Variants in EPHA6 observed in about 807,000 individuals in gnomAD.
EPHA6 encodes the protein ephrin type-A receptor 6.
A neutral mutation model predicts 112.0 loss-of-function variants in EPHA6; 50 were observed. The ratio of observed to expected loss-of-function variants is 0.45; its 90% CI spans 0.36 to 0.56. The LOEUF (loss-of-function observed/expected upper bound fraction) is 0.56, where lower values mean the gene tolerates loss of function less well. Among genes scored for constraint, EPHA6 ranks in the 20% least tolerant of loss-of-function variants. The pLI is 0.00. For missense variants in EPHA6, 1,280 were observed against 1,417.4 expected, an observed-to-expected ratio of 0.90 and a Z score of 1.56; for synonymous variants, 529 against 490.7, an observed-to-expected ratio of 1.08 and a Z score of -1.03.
intron 5 of EPHA6, among the ~76,000 whole-genome samples, chr3:97,257,896 C>T (rs766007574): frequency 4.6e-5 from 7 of 151,654 alleles, no homozygotes; most frequent in Non-Finnish European, 1.0e-4. Context: ...ATATTGTTAC[C>T]CCAGTTATGT....
chr3:97,736,447 T>TAG (rs3064321), intron 16 of EPHA6, among the ~76,000 whole-genome samples: 1,627 of 131,258 alleles, frequency 0.012, 14 homozygotes, highest in East Asian at 0.044. Context: ...CCTTTAGAAG[T>TAG]AGAGAGAGAG....
At chr3:97,573,999 A>G (rs904357751) in intron 11 of EPHA6, among the ~76,000 whole-genome samples, 3 of 152,110 alleles carry the variant, frequency 2.0e-5, no homozygotes, top group African/African-American at 7.2e-5. Flanking sequence ...CCTTGCTTGA[A>G]TGATAGCTAT....
intron 2 of EPHA6, among the ~76,000 whole-genome samples, chr3:96,933,857 A>G (rs926362430): frequency 5.3e-5 from 8 of 152,040 alleles, no homozygotes; most frequent in East Asian, 1.9e-4. Context: ...TAACATAAAG[A>G]ACATGATGAT....
intron 4 of EPHA6, among the ~76,000 whole-genome samples, chr3:97,231,473 G>A (rs1045919520): frequency 6.6e-6 from 1 of 152,148 alleles, no homozygotes; most frequent in African/African-American, 2.4e-5. Flanking sequence ...ATTAAGAGAA[G>A]AAAAATGCGT....
At chr3:97,533,323 A>G (rs2092716557) in intron 11 of EPHA6, among the ~76,000 whole-genome samples, 1 of 152,092 alleles carries the variant, frequency 6.6e-6, no homozygotes. Flanking sequence ...TTATTTTAAA[A>G]TCTTTTAAAT....
intron 3 of EPHA6, among the ~76,000 whole-genome samples, chr3:97,091,470 G>C (rs920437842): frequency 6.6e-6 from 1 of 152,116 alleles, no homozygotes; most frequent in Non-Finnish European, 1.5e-5. Context: ...AACTGTTTAT[G>C]TAAAGCTATT....
At chr3:97,331,692 C>A (rs1397601971) in intron 5 of EPHA6, among the ~76,000 whole-genome samples, 1 of 151,948 alleles carries the variant, frequency 6.6e-6, no homozygotes, top group Non-Finnish European at 1.5e-5. Context: ...GAGACTAAAC[C>A]AGGAAGAAAT....
chr3:97,520,479 A>C (rs2092523007), intron 10 of EPHA6, among the ~76,000 whole-genome samples: 2 of 152,134 alleles, frequency 1.3e-5, no homozygotes, highest in African/African-American at 4.8e-5. Flanking sequence ...TAACTTTGCT[A>C]GGTGTGGCAT....
intron 6 of EPHA6, among the ~76,000 whole-genome samples, chr3:97,407,615 T>A (rs1486334397): frequency 6.6e-6 from 1 of 152,124 alleles, no homozygotes; most frequent in Non-Finnish European, 1.5e-5. Flanking sequence ...GTCACTTTTC[T>A]TTTTCATACT....
At chr3:97,549,533 G>A (rs1453970823) in intron 11 of EPHA6, among the ~76,000 whole-genome samples, 2 of 152,132 alleles carry the variant, frequency 1.3e-5, no homozygotes, top group Non-Finnish European at 2.9e-5. Context: ...TTGAAGAAGG[G>A]CCTATATCAG....
At chr3:96,925,913 T>C (rs1179304642) in intron 2 of EPHA6, among the ~76,000 whole-genome samples, 1 of 152,064 alleles carries the variant, frequency 6.6e-6, no homozygotes, top group Non-Finnish European at 1.5e-5. Flanking sequence ...GCCAATTTCT[T>C]GATTATTTGG....
chr3:97,582,841 C>T (rs2093451369), intron 11 of EPHA6, among the ~76,000 whole-genome samples: 1 of 152,058 alleles, frequency 6.6e-6, no homozygotes, highest in African/African-American at 2.4e-5. Context: ...TGTATTAAAA[C>T]ATTTGTTCGT....
intron 1 of EPHA6, among the ~76,000 whole-genome samples, chr3:96,836,932 T>C (rs567267080): frequency 6.6e-6 from 1 of 152,270 alleles, no homozygotes; most frequent in South Asian, 2.1e-4. Flanking sequence ...GATACCATTA[T>C]TATTCCCCTT....
intron 3 of EPHA6, among the ~76,000 whole-genome samples, chr3:97,131,754 A>G (rs1244532414): frequency 6.6e-6 from 1 of 152,104 alleles, no homozygotes; most frequent in Non-Finnish European, 1.5e-5. Flanking sequence ...AAACATTTTC[A>G]TCTTGCTGTA....
intron 14 of EPHA6, among the ~76,000 whole-genome samples, chr3:97,711,707 A>T (rs1031899078): frequency 3.3e-5 from 5 of 152,230 alleles, no homozygotes; most frequent in Admixed American, 2.0e-4. Flanking sequence ...GGCCCTCAGT[A>T]GATTGGATGA....
At chr3:97,019,202 C>T (rs528835240) in intron 3 of EPHA6, among the ~76,000 whole-genome samples, 4 of 152,282 alleles carry the variant, frequency 2.6e-5, no homozygotes, top group South Asian at 4.1e-4. Context: ...CTCGTGTCCT[C>T]GGTCCCTTGC....
At chr3:97,280,508 C>G (rs1476793495) in intron 5 of EPHA6, among the ~76,000 whole-genome samples, 2 of 152,022 alleles carry the variant, frequency 1.3e-5, no homozygotes, top group Non-Finnish European at 2.9e-5. Flanking sequence ...TCTGAGTAAT[C>G]TTTCTCAAGG....
intron 3 of EPHA6, among the ~76,000 whole-genome samples, chr3:97,025,351 A>T (rs2044601496): frequency 6.6e-6 from 1 of 152,178 alleles, no homozygotes; most frequent in African/African-American, 2.4e-5. Context: ...AGTTGAGTTT[A>T]AAAAGTCTCT....
chr3:97,338,625 G>T (rs528903583), intron 5 of EPHA6, among the ~76,000 whole-genome samples: 1 of 152,228 alleles, frequency 6.6e-6, no homozygotes, highest in African/African-American at 2.4e-5. Context: ...CAGCCTACAA[G>T]CTCCAGAAGG....
Sources: gnomAD v4.1 joint callset for allele counts (sites outside exome capture counted in the v4.1 genomes callset) on GRCh38, gnomAD v4.1.1 for gene constraint, MANE v1.5 for transcripts, NCBI Gene and HGNC (gene_info 2026-07-23, HGNC 2026-07-21) for gene names.